Variants in NOTCH3 observed in about 807,000 individuals in gnomAD.
NOTCH3 encodes the protein notch receptor 3.
Under a neutral mutation model 213.3 loss-of-function variants are expected in NOTCH3, and 86 were observed. The observed-to-expected ratio is 0.40, with a 90% confidence interval of 0.34 to 0.48. NOTCH3 has a LOEUF of 0.48. Among genes scored for constraint, NOTCH3 ranks in the 20% least tolerant of loss-of-function variants. The probability of loss-of-function intolerance (pLI) is 0.57; values close to 1 mark genes in which losing one functional copy is unlikely to be tolerated. For missense variants in NOTCH3, 2,783 were observed against 3,272.6 expected, an observed-to-expected ratio of 0.85 and a Z score of 3.65; for synonymous variants, 1,354 against 1,355.9, an observed-to-expected ratio of 1.00 and a Z score of 0.03.
intron 2 of NOTCH3, among the ~76,000 whole-genome samples, chr19:15,195,461 C>G (rs893359200): frequency 4.6e-5 from 7 of 151,702 alleles, no homozygotes; most frequent in African/African-American, 1.7e-4. Context: ...ACCCTCACCC[C>G]CCTCTATCCC....
chr19:15,176,654 T>G (rs2046791981), intron 24 of NOTCH3, among the ~76,000 whole-genome samples: 1 of 149,778 alleles, frequency 6.7e-6, no homozygotes, highest in South Asian at 2.1e-4. Flanking sequence ...TCCCAGCTCC[T>G]AGGGAGGCTG....
In NOTCH3 at chr19:15,165,526, G is replaced by A. The variant is rs199850662; in HGVS notation, c.5668-11C>T. The A allele has an allele frequency of 2.1e-4, 338 of 1,610,622 alleles. 2 individuals are homozygous for A. The South Asian group carries it at 3.1e-3, about 15-fold the overall frequency. On this transcript the variant is annotated splice_polypyrimidine_tract_variant and intron_variant, in intron 30 of 32. Transcript: ENST00000263388. This position sits in a 1 kb window ranked among gnomAD's most constrained non-coding sequence, Gnocchi z 4.7. ...GTTTCGGATGAGAATCTAGGACAGA[G>A]AGTGGATGCAGCAGGAGGGGTCATG...
intron 2 of NOTCH3, among the ~76,000 whole-genome samples, chr19:15,195,933 G>A (rs1199447953): frequency 3.3e-5 from 5 of 150,952 alleles, no homozygotes; most frequent in African/African-American, 7.3e-5. Context: ...CGCAGACCTA[G>A]TTAGGGGGGG....
At chr19:15,180,400 A>T in intron 19 of NOTCH3, 144 bp from the exon 20 acceptor site, 1 of 974,378 alleles carries the variant, frequency 1.0e-6, no homozygotes, top group Non-Finnish European at 1.6e-6. Flanking sequence ...ACATCCCCCC[A>T]GCAGGCAAGG....
At chr19:15,180,893 C>T (rs568262677) in intron 18 of NOTCH3, 65 bp from the exon 19 acceptor site, 9 of 1,596,464 alleles carry the variant, frequency 5.6e-6, no homozygotes, top group African/African-American at 2.7e-5. Context: ...AACTGTGCCC[C>T]GACTTGGCTT....
At chr19:15,197,441 G>GCCCCCCCCCCCCCCCCCCCCCC in intron 2 of NOTCH3, 59 bp downstream of exon 2, 1 of 768,364 alleles carries the variant, frequency 1.3e-6, no homozygotes, top group Non-Finnish European at 2.3e-6. Context: ...AAGACAAATC[G>GCCCCCCCCCCCCCCCCCCCCCC]CCCCTCCCCC....
At chr19:15,194,854 G>A (rs1171814236) in intron 2 of NOTCH3, among the ~76,000 whole-genome samples, 2 of 151,552 alleles carry the variant, frequency 1.3e-5, no homozygotes, top group Admixed American at 6.6e-5. Flanking sequence ...CTACTCCGGA[G>A]GCTGAGGCAG....
At chr19:15,166,223 C>T (rs1368506776) in intron 29 of NOTCH3, 132 bp from the exon 30 acceptor site, 6 of 747,690 alleles carry the variant, frequency 8.0e-6, no homozygotes, top group Non-Finnish European at 1.1e-5. Flanking sequence ...CCTGTCTGCA[C>T]ACCCACACCC....
rs977079743 is a variant in NOTCH3, at chr19:15,170,525, G to C, written c.4920C>G (p.Ser1640Arg). The change falls in exon 27 of 33, where the codon AGC becomes AGG. Residue 1640 changes from serine (S) to arginine (R), a missense_variant. Transcript: ENST00000263388. ...RGEPLEPPEP[S>R]VPLLPLLVAG... is the part of the protein sequence containing the mutation. The stretch of plus-strand genomic sequence containing the variant: ...CCACTAGCAGTGGCAGCAGCGGGAC[G>C]CTGGGTTCTGGAGGCTCCAGCGGCT... The C allele has an allele frequency of 6.2e-7, 1 of 1,610,060 alleles. No individual in the cohort carries two copies. Among genetic ancestry groups the C allele is most frequent in the Non-Finnish European group, 8.5e-7 (1 of 1,179,914 alleles).
In NOTCH3 at chr19:15,180,890, C is replaced by G. The variant is rs552950012; in HGVS notation, c.2995-62G>C. 4.4e-6 allele frequency: 7 copies of G among 1,598,244 alleles called. No homozygotes were observed. In the African/African-American group the frequency reaches 8.0e-5, roughly 18 times the overall value. ...GGGGGGTAGTCTGGGAGAAACTGTG[C>G]CCCGACTTGGCTTCTCCCTCCTAGG... is the stretch of plus-strand genomic sequence containing the variant. On this transcript the variant is annotated intron_variant, in intron 18 of 32. Transcript: ENST00000263388.
rs1282681940 is a variant in NOTCH3, at chr19:15,180,694, G to T, written c.3129C>A (p.Ala1043=). The T allele has an allele frequency of 6.4e-7, 1 of 1,556,714 alleles. No homozygotes were observed. The highest frequency in any genetic ancestry group is 8.7e-7 in the Non-Finnish European group (1 of 1,151,966). ...CDIRSLPCRE[A]AAQIGVRLEQ... ...GCTCCCACTCACCGATCTGGGCTGC[G>T]GCCTCCCTGCAGGGCAAGCTTCGGA... The change falls in exon 19 of 33, where the codon GCC becomes GCA. Residue 1043 remains alanine (A), a synonymous_variant. Coordinates refer to ENST00000263388, the MANE Select transcript of NOTCH3 (RefSeq NM_000435.3).
At position 15,162,002 on chromosome 19, in the gene NOTCH3, G is replaced by C. The variant is rs867873991; in HGVS notation, c.5914-288C>G. ...CTTGTCTTTTTTTTTTTTTTTTTTT[G>C]ACAGAGTCTCACTGTGTCGCCCAGG... On this transcript the variant is annotated intron_variant, in intron 32 of 32. Coordinates refer to ENST00000263388, the MANE Select transcript of NOTCH3 (RefSeq NM_000435.3). Among the ~76,000 whole-genome samples, 7 of 21,936 alleles carry C rather than the reference G, an allele frequency of 3.2e-4. No homozygotes were observed. In the South Asian group the frequency reaches 0.01, roughly 32 times the overall value. The allele number at this position is 21,936 out of a possible 152,430, so 14.4% of individuals were successfully genotyped here.
chr19:15,181,506 C>T, intron 17 of NOTCH3, 70 bp downstream of exon 17: 1 of 1,322,060 alleles, frequency 7.6e-7, no homozygotes, highest in Admixed American at 2.0e-5. Flanking sequence ...TTGCTGTCCC[C>T]ACTTCGTCCC....
Position 15,161,539 on chromosome 19 carries a change from G to A in NOTCH3, c.6089C>T (p.Pro2030Leu), listed in dbSNP as rs1394014476. Residue 2030 changes from proline to leucine, a missense_variant, in exon 33 of 33, where the codon CCC becomes CTC. Coordinates refer to ENST00000263388, the MANE Select transcript of NOTCH3 (RefSeq NM_000435.3). The stretch of plus-strand genomic sequence containing the variant: ...GCCGTGGGGACCGGGGGGGCTGCGG[G>A]GCCCACTGGGTTGATCCAGCAAGCG... The part of the protein sequence containing the change: ...IVRLLDQPSG[P>L]RSPPGPHGLG... 5 of 1,604,952 alleles carry A rather than the reference G, an allele frequency of 3.1e-6. No individual in the cohort carries two copies. Among genetic ancestry groups the A allele is most frequent in the Middle Eastern group, 3.3e-4 (2 of 6,070 alleles).
chr19:15,166,004 G>A lies in NOTCH3; in HGVS notation c.5450C>T (p.Ser1817Leu), dbSNP rs1161550693. 1.9e-6 allele frequency: 3 copies of A among 1,614,132 alleles called. No homozygotes were observed. Among genetic ancestry groups the A allele is most frequent in the African/African-American group, 1.3e-5 (1 of 75,042 alleles). The change falls in exon 30 of 33, where the codon TCA becomes TTA. Residue 1817 changes from serine (S) to leucine (L), a missense_variant. By Grantham distance (145) the Ser-to-Leu change is moderately radical (BLOSUM62 -2). Coordinates refer to ENST00000263388, the MANE Select transcript of NOTCH3 (RefSeq NM_000435.3). ...GATCAGGTCGGAGATGATGCTAGCTGATGTGTCATCTGCCTCATCCTCTTC... is the reference window on the plus strand; with the variant it reads ...GATCAGGTCGGAGATGATGCTAGCTAATGTGTCATCTGCCTCATCCTCTTC... ...PTEEDEADDTSASIISDLICQ... is the reference protein window; with the variant it reads ...PTEEDEADDTLASIISDLICQ...
chr19:15,180,337 T>C (rs2046829221), intron 19 of NOTCH3, 81 bp from the exon 20 acceptor site: 2 of 1,474,888 alleles, frequency 1.4e-6, no homozygotes, highest in Admixed American at 3.6e-5. Context: ...TCATTCAACA[T>C]CCTTGGTGGA....
intron 17 of NOTCH3, 128 bp downstream of exon 17, chr19:15,181,448 G>T: frequency 1.3e-6 from 1 of 781,592 alleles, no homozygotes; most frequent in Non-Finnish European, 2.1e-6. Context: ...TGCCCCATCA[G>T]TCATCAGAGT....
rs966719643 is a variant in NOTCH3 at position 15,159,571 on chromosome 19, G to A, written c.*1091C>T. ...ATGGGAGCTCAAGTTAGCCCTGGGT[G>A]GGGGAGATAGAAGTCCCACTGCCAC... On this transcript the variant is annotated 3_prime_UTR_variant, in exon 33 of 33. Transcript: ENST00000263388. 4.6e-6 allele frequency: 1 copy of A among 218,638 alleles called. No individual in the cohort carries two copies. Among genetic ancestry groups the A allele is most frequent in the East Asian group, 6.7e-5 (1 of 14,884 alleles). 13.5% of individuals were successfully genotyped at this position (218,638 alleles called of 1,614,324 possible). A position where few individuals can be genotyped will look rare whatever the true frequency, so the allele number is the denominator to read the frequency against.
At position 15,177,871 on chromosome 19, in the gene NOTCH3, C is replaced by A; in HGVS notation, c.4057G>T (p.Ala1353Ser). The change falls in exon 24 of 33, where the codon GCG becomes TCG. Residue 1353 changes from alanine (A) to serine (S), a missense_variant. Physicochemically the swap from Ala to Ser is moderately conservative, Grantham distance 99. Transcript: ENST00000263388. Reference protein sequence around the residue: ...PCLHGGSCRPAPLAPFFRCAC... With the variant: ...PCLHGGSCRPSPLAPFFRCAC... ...CAGCGGAAGAAGGGCGCGAGCGGCG[C>A]GGGGCGGCAGGAGCCCCCGTGGAGA... The A allele has an allele frequency of 8.1e-7, 1 of 1,229,686 alleles. No homozygotes were observed. The highest frequency in any genetic ancestry group is 1.0e-6 in the Non-Finnish European group (1 of 987,574). The allele number at this position is 1,229,686 out of a possible 1,614,324, so 76.2% of individuals were successfully genotyped here.
Sources: allele counts gnomAD v4.1 joint callset (sites outside exome capture counted in the v4.1 genomes callset), GRCh38; gene constraint gnomAD v4.1.1; non-coding constraint Gnocchi (gnomAD v3.1); transcripts MANE v1.5; gene names NCBI Gene and HGNC (gene_info 2026-07-23, HGNC 2026-07-21).